Variants in EPHB1 observed in about 807,000 individuals in gnomAD.
EPHB1 encodes EPH receptor B1.
A neutral mutation model predicts 94.4 loss-of-function variants in EPHB1; 30 were observed. That is an observed-to-expected ratio of 0.32 (90% confidence interval 0.24 to 0.43). EPHB1 has a LOEUF of 0.43. Among genes scored for constraint, EPHB1 ranks in the 20% least tolerant of loss-of-function variants. EPHB1 has a pLI of 1.00. For missense variants in EPHB1, 1,055 were observed against 1,308.3 expected (o/e 0.81, Z 2.99); for synonymous variants, 522 against 489.1 (o/e 1.07, Z -0.89).
chr3:135,237,718 C>T (rs1943690655), intron 12 of EPHB1, among the ~76,000 whole-genome samples: 1 of 152,218 alleles, frequency 6.6e-6, no homozygotes, highest in Admixed American at 6.5e-5. Flanking sequence ...CAGTGAGCCC[C>T]ATGCATTCTT....
At chr3:135,221,150 G>A (rs1310090602) in intron 12 of EPHB1, among the ~76,000 whole-genome samples, 1 of 152,202 alleles carries the variant, frequency 6.6e-6, no homozygotes, top group Non-Finnish European at 1.5e-5. Context: ...TCTACCCTGA[G>A]AAATTAGAAG....
At chr3:135,249,529 G>T (rs755450142) in intron 15 of EPHB1, 38 bp downstream of exon 15, 1 of 1,593,710 alleles carries the variant, frequency 6.3e-7, no homozygotes, top group Non-Finnish European at 8.6e-7. Flanking sequence ...ACCACACCTA[G>T]GGGTCAGTGC....
intron 3 of EPHB1, among the ~76,000 whole-genome samples, chr3:135,034,860 C>T (rs1559803489): frequency 6.6e-6 from 1 of 152,174 alleles, no homozygotes; most frequent in Non-Finnish European, 1.5e-5. Flanking sequence ...GTAGACCCTA[C>T]AGGATAGCCT....
intron 9 of EPHB1, among the ~76,000 whole-genome samples, chr3:135,178,817 A>G (rs1576449001): frequency 6.6e-6 from 1 of 152,206 alleles, no homozygotes; most frequent in East Asian, 1.9e-4. Context: ...TGTTTCTTGA[A>G]TGAGACAGCA....
At chr3:135,233,333 G>C (rs1228971402) in intron 12 of EPHB1, among the ~76,000 whole-genome samples, 1 of 152,236 alleles carries the variant, frequency 6.6e-6, no homozygotes, top group South Asian at 2.1e-4. Flanking sequence ...CCCCATGCAA[G>C]TCCAAAATCC....
chr3:135,153,700 C>G (rs1941265163), intron 5 of EPHB1, among the ~76,000 whole-genome samples: 2 of 152,174 alleles, frequency 1.3e-5, no homozygotes, highest in Non-Finnish European at 2.9e-5. Context: ...TAATTCTATA[C>G]CAACTGGTTC....
intron 1 of EPHB1, among the ~76,000 whole-genome samples, chr3:134,851,003 G>T (rs1006216245): frequency 3.3e-5 from 5 of 152,244 alleles, no homozygotes; most frequent in African/African-American, 1.2e-4. Context: ...ACCAGGAAAG[G>T]CCTTTTTCTC....
chr3:135,119,279 T>C (rs1204361318), intron 4 of EPHB1, among the ~76,000 whole-genome samples: 2 of 152,198 alleles, frequency 1.3e-5, no homozygotes, highest in Admixed American at 1.3e-4. Context: ...TTTAACTCTG[T>C]GGATACTTGT....
intron 12 of EPHB1, among the ~76,000 whole-genome samples, chr3:135,203,056 G>A (rs931726912): frequency 1.1e-4 from 17 of 152,146 alleles, no homozygotes; most frequent in African/African-American, 1.9e-4. Flanking sequence ...GAATGAGTTC[G>A]TGTCCTTTGC....
Position 135,152,716 on chromosome 3 carries a change from G to A in EPHB1, c.1298-1436G>A, listed in dbSNP as rs925144507. Among the ~76,000 whole-genome samples, 4 of 152,134 alleles carry A rather than the reference G, an allele frequency of 2.6e-5. No individual in the cohort carries two copies. The South Asian group carries it at 6.2e-4, about 24-fold the overall frequency. On this transcript the variant is annotated intron_variant, in intron 5 of 15. Transcript: ENST00000398015. ...GCCCATCAGAGTAGTCCCATATATCGCAGGAATGGGTCTGCCATGGCATCC... is the reference window on the plus strand; with the variant it reads ...GCCCATCAGAGTAGTCCCATATATCACAGGAATGGGTCTGCCATGGCATCC...
chr3:135,207,824 C>G (rs923357671), intron 12 of EPHB1, among the ~76,000 whole-genome samples: 2 of 152,196 alleles, frequency 1.3e-5, no homozygotes. Flanking sequence ...ATTGAGGGCT[C>G]TATTCCTGGT....
intron 3 of EPHB1, among the ~76,000 whole-genome samples, chr3:134,984,839 G>A (rs1934537557): frequency 6.6e-6 from 1 of 152,160 alleles, no homozygotes; most frequent in Non-Finnish European, 1.5e-5. Context: ...GGGGGCTAGG[G>A]GCGAGCCAGA....
At chr3:134,816,529 C>G (rs1211242387) in intron 1 of EPHB1, among the ~76,000 whole-genome samples, 5 of 152,124 alleles carry the variant, frequency 3.3e-5, no homozygotes, top group Non-Finnish European at 7.3e-5. Context: ...GATGGTGGTA[C>G]TCACCTCACA....
chr3:135,006,981 A>G (rs776736218), intron 3 of EPHB1, among the ~76,000 whole-genome samples: 2 of 152,202 alleles, frequency 1.3e-5, no homozygotes, highest in Non-Finnish European at 2.9e-5. Context: ...GGCTTATGCT[A>G]TGTGAATGGA....
chr3:135,049,962 C>T (rs1351612108), intron 3 of EPHB1, among the ~76,000 whole-genome samples: 1 of 152,154 alleles, frequency 6.6e-6, no homozygotes, highest in Non-Finnish European at 1.5e-5. Context: ...CCAGTGGTAC[C>T]CCGGGACCCT....
intron 1 of EPHB1, among the ~76,000 whole-genome samples, chr3:134,905,381 C>A (rs950203599): frequency 6.6e-6 from 1 of 152,234 alleles, no homozygotes; most frequent in African/African-American, 2.4e-5. Context: ...CCCCGCCACA[C>A]CTTCCACACA....
chr3:135,180,800 A>C (rs150939961), intron 10 of EPHB1, among the ~76,000 whole-genome samples: 1 of 152,376 alleles, frequency 6.6e-6, no homozygotes, highest in African/African-American at 2.4e-5. Flanking sequence ...CCTGCGTCTT[A>C]TGAACCTTTT....
At chr3:135,059,737 G>T (rs888138262) in intron 3 of EPHB1, among the ~76,000 whole-genome samples, 1 of 152,188 alleles carries the variant, frequency 6.6e-6, no homozygotes, top group African/African-American at 2.4e-5. Context: ...GCATCCCAGG[G>T]TCTTAAACTC....
At chr3:135,225,775 T>C (rs1042369638) in intron 12 of EPHB1, among the ~76,000 whole-genome samples, 1 of 151,334 alleles carries the variant, frequency 6.6e-6, no homozygotes, top group African/African-American at 2.4e-5. Flanking sequence ...CTGAGGTGAC[T>C]CTGCCTCCCA....
Sources: gnomAD v4.1 joint callset for allele counts (sites outside exome capture counted in the v4.1 genomes callset) on GRCh38, gnomAD v4.1.1 for gene constraint, MANE v1.5 for transcripts, NCBI Gene and HGNC (gene_info 2026-07-23, HGNC 2026-07-21) for gene names.